Variants in LDB2 observed in about 807,000 individuals in gnomAD.
LDB2 encodes the protein LIM domain-binding protein 2.
LDB2 carries 12 observed loss-of-function variants against 44.3 expected under a neutral mutation model. The observed-to-expected ratio is 0.27, with a 90% confidence interval of 0.17 to 0.44. LDB2 has a LOEUF of 0.44. LDB2 is among the 20% of genes least tolerant of loss of function. The pLI, the probability that LDB2 is intolerant of heterozygous loss-of-function variation, is 1.00. For missense variants in LDB2, 344 were observed against 473.5 expected (o/e 0.73, Z 2.54); for synonymous variants, 164 against 174.8 (o/e 0.94, Z 0.49).
At chr4:16,605,268 T>C (rs1022288946) in intron 2 of LDB2, among the ~76,000 whole-genome samples, 2 of 152,184 alleles carry the variant, frequency 1.3e-5, no homozygotes, top group Non-Finnish European at 2.9e-5. Context: ...GTAATGAGGT[T>C]ATCCATGATT....
intron 2 of LDB2, among the ~76,000 whole-genome samples, chr4:16,757,536 T>G (rs1225739049): frequency 6.6e-6 from 1 of 152,180 alleles, no homozygotes; most frequent in African/African-American, 2.4e-5. Flanking sequence ...ACTGTAATTC[T>G]AGTTCCCTGA....
intron 2 of LDB2, chr4:16,726,394 G>A (rs752060895): frequency 6.6e-6 from 1 of 152,126 alleles, no homozygotes; most frequent in Non-Finnish European, 1.5e-5. Context: ...AAATTCAATG[G>A]TATTTATGCA....
chr4:16,794,312 G>T (rs961125501), intron 1 of LDB2, among the ~76,000 whole-genome samples: 2 of 152,122 alleles, frequency 1.3e-5, no homozygotes, highest in Non-Finnish European at 2.9e-5. Flanking sequence ...TTGGCTAAGG[G>T]AACAGGTGGC....
intron 2 of LDB2, among the ~76,000 whole-genome samples, chr4:16,672,872 T>C (rs371960142): frequency 0.011 from 1,629 of 145,772 alleles, 9 homozygotes; most frequent in Middle Eastern, 0.017. Flanking sequence ...TCCCTCTCTT[T>C]CTTCCTTCCT....
intron 5 of LDB2, among the ~76,000 whole-genome samples, chr4:16,549,365 A>G (rs913291367): frequency 5.9e-5 from 9 of 152,164 alleles, no homozygotes; most frequent in Non-Finnish European, 8.8e-5. Flanking sequence ...CTGGTTAGCA[A>G]TTTTCTGAGG....
intron 5 of LDB2, among the ~76,000 whole-genome samples, chr4:16,522,558 A>G (rs1184924553): frequency 6.6e-6 from 1 of 152,174 alleles, no homozygotes; most frequent in East Asian, 1.9e-4. Context: ...CAAATACACG[A>G]TTTTATATGG....
chr4:16,537,304 T>G (rs1732192944), intron 5 of LDB2, among the ~76,000 whole-genome samples: 2 of 152,238 alleles, frequency 1.3e-5, no homozygotes, highest in Non-Finnish European at 2.9e-5. Flanking sequence ...TATTCTCCCT[T>G]CTTCTAGAAG....
intron 1 of LDB2, among the ~76,000 whole-genome samples, chr4:16,813,921 G>T (rs1286701684): frequency 6.6e-6 from 1 of 151,386 alleles, no homozygotes; most frequent in Non-Finnish European, 1.5e-5. Context: ...GCCCAGGCTG[G>T]AGTGCAGTGG....
chr4:16,539,208 C>G (rs1732899957), intron 5 of LDB2, among the ~76,000 whole-genome samples: 1 of 152,032 alleles, frequency 6.6e-6, no homozygotes, highest in African/African-American at 2.4e-5. Flanking sequence ...CACATAGGTA[C>G]TTTCTGGGAT....
chr4:16,606,998 G>A (rs1724131344), intron 2 of LDB2, among the ~76,000 whole-genome samples: 1 of 152,172 alleles, frequency 6.6e-6, no homozygotes, highest in African/African-American at 2.4e-5. Context: ...GGTGAGAGAG[G>A]TGATTTCCTT....
intron 5 of LDB2, among the ~76,000 whole-genome samples, chr4:16,518,590 T>C (rs1307047451): frequency 6.6e-6 from 1 of 152,142 alleles, no homozygotes; most frequent in Non-Finnish European, 1.5e-5. Context: ...TTTCTTACTG[T>C]CTATAGCTGC....
chr4:16,644,726 G>A (rs1736214039), intron 2 of LDB2, among the ~76,000 whole-genome samples: 1 of 152,060 alleles, frequency 6.6e-6, no homozygotes, highest in Non-Finnish European at 1.5e-5. Flanking sequence ...CACTGCACTT[G>A]GCCATGAACC....
intron 1 of LDB2, among the ~76,000 whole-genome samples, chr4:16,807,776 A>G (rs1779056700): frequency 6.6e-6 from 1 of 152,204 alleles, no homozygotes; most frequent in Non-Finnish European, 1.5e-5. Context: ...CTCTAGCCCT[A>G]AACCCAGTCT....
chr4:16,639,925 A>G (rs1310729702), intron 2 of LDB2, among the ~76,000 whole-genome samples: 1 of 152,232 alleles, frequency 6.6e-6, no homozygotes, highest in African/African-American at 2.4e-5. Flanking sequence ...CACCTGCAGG[A>G]GATAAAGATG....
At chr4:16,535,638 A>ACAT (rs1344246894) in intron 5 of LDB2, among the ~76,000 whole-genome samples, 4 of 152,164 alleles carry the variant, frequency 2.6e-5, no homozygotes, top group African/African-American at 9.7e-5. Context: ...TGGGAGAAAA[A>ACAT]CATATCAGAA....
At chr4:16,706,040 C>A (rs917103763) in intron 2 of LDB2, among the ~76,000 whole-genome samples, 1 of 152,048 alleles carries the variant, frequency 6.6e-6, no homozygotes, top group Non-Finnish European at 1.5e-5. Context: ...CTATTAGAGA[C>A]AATATTTACT....
intron 5 of LDB2, among the ~76,000 whole-genome samples, chr4:16,520,848 G>A (rs1192384074): frequency 2.6e-5 from 4 of 152,138 alleles, no homozygotes; most frequent in South Asian, 2.1e-4. Context: ...TGCTGCATCC[G>A]TTAGGCCCAT....
chr4:16,781,115 T>G (rs1773122043), intron 1 of LDB2, among the ~76,000 whole-genome samples: 1 of 152,148 alleles, frequency 6.6e-6, no homozygotes, highest in African/African-American at 2.4e-5. Context: ...TTCCCATTAC[T>G]AAGAAGAGCT....
chr4:16,630,915 C>T lies in LDB2; in HGVS notation c.236-35040G>A, dbSNP rs148587560. ...ATCCTAAATATATATGCACCCAATA[C>T]GGGAGCACCCAGATTCATAAAGCAA... On this transcript the variant is annotated intron_variant, in intron 2 of 7. Transcript: ENST00000304523. Among the ~76,000 whole-genome samples, 1,407 of 152,288 alleles carry T rather than the reference C, an allele frequency of 9.2e-3. 22 individuals carry two copies. The highest frequency in any genetic ancestry group is 0.032 in the African/African-American group (1,341 of 41,542).
Sources: gnomAD v4.1 joint callset for allele counts (sites outside exome capture counted in the v4.1 genomes callset) on GRCh38, gnomAD v4.1.1 for gene constraint, MANE v1.5 for transcripts, NCBI Gene and HGNC (gene_info 2026-07-23, HGNC 2026-07-21) for gene names.